GALNTL6: variants seen among roughly 807,000 people sequenced by gnomAD.
GALNTL6 encodes the protein polypeptide N-acetylgalactosaminyltransferase like 6.
GALNTL6 carries 46 observed loss-of-function variants against 73.7 expected under a neutral mutation model. The observed-to-expected ratio is 0.62, with a 90% CI of 0.49 to 0.80. The LOEUF is 0.80. Among genes scored for constraint, GALNTL6 ranks in the 30% least tolerant of loss-of-function variants. The pLI is 0.00. For missense variants in GALNTL6, 604 were observed against 755.0 expected (o/e 0.80, Z 2.34); for synonymous variants, 259 against 263.7 (o/e 0.98, Z 0.17).
intron 2 of GALNTL6, among the ~76,000 whole-genome samples, chr4:172,164,564 C>A (rs1734566657): frequency 6.6e-6 from 1 of 151,930 alleles, no homozygotes; most frequent in South Asian, 2.1e-4. Flanking sequence ...AAAGCTAGAA[C>A]TCAATACAAA....
intron 5 of GALNTL6, among the ~76,000 whole-genome samples, chr4:172,513,248 G>C (rs558519013): frequency 6.6e-6 from 1 of 152,136 alleles, no homozygotes; most frequent in Non-Finnish European, 1.5e-5. Flanking sequence ...TTCTATTGCT[G>C]AGACCTTCCA....
intron 2 of GALNTL6, among the ~76,000 whole-genome samples, chr4:171,936,924 C>T (rs1438019400): frequency 6.6e-6 from 1 of 152,032 alleles, no homozygotes; most frequent in Non-Finnish European, 1.5e-5. Context: ...TAGTTCAAGG[C>T]TAACAGCACA....
chr4:172,243,929 C>T (rs1408666664), intron 3 of GALNTL6, among the ~76,000 whole-genome samples: 2 of 152,094 alleles, frequency 1.3e-5, no homozygotes, highest in Non-Finnish European at 2.9e-5. Context: ...ATTGCTATGG[C>T]TACAATGGGT....
chr4:172,561,158 CAGG>C (rs1240673691), intron 5 of GALNTL6, among the ~76,000 whole-genome samples: 1 of 145,382 alleles, frequency 6.9e-6, no homozygotes, highest in Non-Finnish European at 1.5e-5. Flanking sequence ...GAGGCTGAGG[CAGG>C]AGAATGGCGT....
At chr4:172,632,374 G>T (rs554907555) in intron 5 of GALNTL6, among the ~76,000 whole-genome samples, 1 of 152,286 alleles carries the variant, frequency 6.6e-6, no homozygotes, top group South Asian at 2.1e-4. Flanking sequence ...TGCTGATAGT[G>T]ATATGGACAA....
intron 3 of GALNTL6, among the ~76,000 whole-genome samples, chr4:172,298,723 G>T (rs1276858719): frequency 2.0e-5 from 3 of 152,276 alleles, no homozygotes; most frequent in East Asian, 3.9e-4. Context: ...AAGCCCACTT[G>T]ATCATGGTGG....
intron 2 of GALNTL6, among the ~76,000 whole-genome samples, chr4:171,983,774 C>T (rs985196695): frequency 1.1e-4 from 17 of 152,020 alleles, no homozygotes; most frequent in African/African-American, 3.4e-4. Flanking sequence ...CATGACCTAC[C>T]CTGGATAGCT....
intron 3 of GALNTL6, among the ~76,000 whole-genome samples, chr4:172,267,229 T>G (rs1008259915): frequency 2.6e-5 from 4 of 152,114 alleles, no homozygotes; most frequent in Non-Finnish European, 5.9e-5. Flanking sequence ...CAGAGCTACA[T>G]ATACATTTCT....
At chr4:172,952,300 T>G in intron 10 of GALNTL6, 42 bp downstream of exon 10, 1 of 1,435,242 alleles carries the variant, frequency 7.0e-7, no homozygotes, top group South Asian at 1.2e-5. Context: ...CCTATGAGAC[T>G]GTGTGCCTCC....
chr4:171,891,016 C>G (rs1468303405), intron 2 of GALNTL6, among the ~76,000 whole-genome samples: 2 of 138,680 alleles, frequency 1.4e-5, no homozygotes, highest in Admixed American at 7.1e-5. Context: ...GCCAGCTACT[C>G]TTGTTCCCAA....
chr4:172,454,370 G>A (rs544920200), intron 5 of GALNTL6, among the ~76,000 whole-genome samples: 106 of 152,254 alleles, frequency 7.0e-4, no homozygotes, highest in African/African-American at 2.4e-3. Context: ...CCCAAATCTG[G>A]ATACAATGCA....
intron 5 of GALNTL6, among the ~76,000 whole-genome samples, chr4:172,483,094 A>C (rs1733548904): frequency 6.6e-6 from 1 of 152,164 alleles, no homozygotes; most frequent in Admixed American, 6.5e-5. Flanking sequence ...TACACTAATC[A>C]CTTTTATAAT....
At position 171,843,810 on chromosome 4, in the gene GALNTL6, G is replaced by A. The variant is rs574693861; in HGVS notation, c.138+29092G>A. Among the ~76,000 whole-genome samples, 1,083 of 152,216 alleles carry A rather than the reference G, an allele frequency of 7.1e-3. 12 individuals are homozygous for A. Among genetic ancestry groups the A allele is most frequent in the Non-Finnish European group, 0.012 (834 of 68,004 alleles). ...ATGCTATAAATAAAGATGTCTGGTG[G>A]TTAACAGAATTTTTCTTTATTATTT... On this transcript the variant is annotated intron_variant, in intron 2 of 12. Coordinates refer to ENST00000506823, the MANE Select transcript of GALNTL6 (RefSeq NM_001034845.3).
intron 2 of GALNTL6, among the ~76,000 whole-genome samples, chr4:171,904,979 C>G (rs1737227512): frequency 1.3e-5 from 2 of 152,188 alleles, no homozygotes; most frequent in East Asian, 1.9e-4. Context: ...TGCCCTAAAA[C>G]AGCTCCTGAA....
intron 2 of GALNTL6, among the ~76,000 whole-genome samples, chr4:172,157,428 T>C (rs1325618839): frequency 6.6e-6 from 1 of 152,210 alleles, no homozygotes; most frequent in Non-Finnish European, 1.5e-5. Flanking sequence ...TTCCTTTTGA[T>C]TTCCTAAATC....
chr4:172,205,186 G>A (rs1354681688), intron 2 of GALNTL6, among the ~76,000 whole-genome samples: 2 of 152,126 alleles, frequency 1.3e-5, no homozygotes, highest in African/African-American at 4.8e-5. Flanking sequence ...GGTAACAAAT[G>A]TAAAGGATAA....
chr4:172,868,695 AC>A (rs1312077406), intron 7 of GALNTL6, among the ~76,000 whole-genome samples: 1 of 152,232 alleles, frequency 6.6e-6, no homozygotes, highest in Admixed American at 6.5e-5. Flanking sequence ...TAATGGAAGC[AC>A]CTTGTGCTGG....
chr4:172,876,842 T>C (rs1745222484), intron 7 of GALNTL6, among the ~76,000 whole-genome samples: 2 of 152,210 alleles, frequency 1.3e-5, no homozygotes, highest in South Asian at 4.1e-4. Context: ...TACTCCACAA[T>C]TGAATTCTAG....
chr4:172,875,664 T>C (rs1463345503), intron 7 of GALNTL6, among the ~76,000 whole-genome samples: 1 of 151,760 alleles, frequency 6.6e-6, no homozygotes, highest in Non-Finnish European at 1.5e-5. Flanking sequence ...CTATCACTTA[T>C]TGTAGGAATG....
Sources: gnomAD v4.1 joint callset for allele counts (sites outside exome capture counted in the v4.1 genomes callset) on GRCh38, gnomAD v4.1.1 for gene constraint, MANE v1.5 for transcripts, NCBI Gene and HGNC (gene_info 2026-07-23, HGNC 2026-07-21) for gene names.